Variants in LRRC7 observed in about 807,000 individuals in gnomAD.
LRRC7 encodes the protein leucine rich repeat containing 7.
In LRRC7, 23 loss-of-function variants were observed where a neutral mutation model predicts 175.7. That is an observed-to-expected ratio of 0.13 (90% CI 0.09 to 0.19). LRRC7 has a LOEUF of 0.19. Among genes scored for constraint, LRRC7 ranks in the 10% least tolerant of loss-of-function variants. The pLI, the probability that LRRC7 is intolerant of heterozygous loss-of-function variation, is 1.00. For synonymous variants in LRRC7, 685 were observed against 680.9 expected (o/e 1.01, Z -0.09); for missense variants, 1,354 against 1,904.7 (o/e 0.71, Z 5.38).
At chr1:69,955,778 G>A (rs1650426461) in intron 8 of LRRC7, among the ~76,000 whole-genome samples, 1 of 151,844 alleles carries the variant, frequency 6.6e-6, no homozygotes. Flanking sequence ...AATTGAGCAT[G>A]TAATTCCAAA....
Position 69,716,343 on chromosome 1 carries a change from C to A in LRRC7, c.100+37865C>A, listed in dbSNP as rs182834970. 1.3e-4 allele frequency: 52 copies of A among 400,350 alleles called. 1 individual carries two copies. Among genetic ancestry groups the A allele is most frequent in the Admixed American group, 2.2e-4 (5 of 22,430 alleles). The allele number at this position is 400,350 out of a possible 1,614,324, so 24.8% of individuals were successfully genotyped here. ...TTATACTTAGCAGTTTTCATGTTAA[C>A]CTATATCACATCACAAAAATAATTA... On this transcript the variant is annotated intron_variant, in intron 2 of 26. Coordinates refer to ENST00000651989, the MANE Select transcript of LRRC7 (RefSeq NM_001370785.2).
intron 24 of LRRC7, among the ~76,000 whole-genome samples, chr1:70,079,094 C>T (rs1314525731): frequency 6.6e-6 from 1 of 151,884 alleles, no homozygotes; most frequent in Non-Finnish European, 1.5e-5. Flanking sequence ...AAATTGAGAC[C>T]TTTTTAATAA....
chr1:69,638,823 C>T (rs542221057), intron 1 of LRRC7, among the ~76,000 whole-genome samples: 5 of 151,742 alleles, frequency 3.3e-5, no homozygotes, highest in South Asian at 2.1e-4. Flanking sequence ...CACCACTTGA[C>T]GAATTTTATG....
chr1:69,985,766 G>C (rs1165486035), intron 9 of LRRC7, among the ~76,000 whole-genome samples: 1 of 152,084 alleles, frequency 6.6e-6, no homozygotes, highest in Non-Finnish European at 1.5e-5. Flanking sequence ...CTGTTACTTT[G>C]CATGTATTTT....
At chr1:69,641,708 A>G (rs1654238408) in intron 1 of LRRC7, among the ~76,000 whole-genome samples, 1 of 151,558 alleles carries the variant, frequency 6.6e-6, no homozygotes, top group African/African-American at 2.4e-5. Context: ...TTGTAGCTAT[A>G]TTTTCTATAA....
intron 3 of LRRC7, among the ~76,000 whole-genome samples, chr1:69,780,029 T>C (rs1673306211): frequency 6.6e-6 from 1 of 152,200 alleles, no homozygotes; most frequent in South Asian, 2.1e-4. Context: ...CTCTGCTCAC[T>C]TCTACTAACA....
chr1:69,792,152 G>A lies in LRRC7; in HGVS notation c.413G>A (p.Ser138Asn). The change falls in exon 4 of 27, where the codon AGT (serine) becomes AAT (asparagine). Residue 138 changes from serine to asparagine, a missense_variant. Coordinates refer to ENST00000651989, the MANE Select transcript of LRRC7 (RefSeq NM_001370785.2). ...SLVNLKELDISKNGVQEFPEN... is the reference protein window; with the variant it reads ...SLVNLKELDINKNGVQEFPEN... The stretch of plus-strand genomic sequence containing the variant: ...GTTAATCTTAAAGAACTCGACATCA[G>A]TAAAAATGGTAAGATTTTTCTCTCA... The A allele has an allele frequency of 6.4e-7, 1 of 1,559,648 alleles. No individual in the cohort carries two copies. The highest frequency in any genetic ancestry group is 8.8e-7 in the Non-Finnish European group (1 of 1,138,668).
chr1:69,850,005 G>C (rs10518321), intron 7 of LRRC7, among the ~76,000 whole-genome samples: 5 of 152,052 alleles, frequency 3.3e-5, no homozygotes, highest in African/African-American at 9.6e-5. Flanking sequence ...AAGAACACAG[G>C]ATGATGTTAT....
At chr1:69,797,264 G>A (rs553241254) in intron 4 of LRRC7, among the ~76,000 whole-genome samples, 15 of 152,254 alleles carry the variant, frequency 9.9e-5, no homozygotes, top group African/African-American at 3.6e-4. Flanking sequence ...GCTCTAAAGT[G>A]CCATATAATA....
chr1:69,990,603 G>T (rs1228142882), intron 10 of LRRC7, among the ~76,000 whole-genome samples: 1 of 151,948 alleles, frequency 6.6e-6, no homozygotes, highest in Admixed American at 6.6e-5. Flanking sequence ...CATAACTTTA[G>T]AATTTGCATG....
intron 8 of LRRC7, among the ~76,000 whole-genome samples, chr1:69,939,037 ATATCTATATC>A (rs201255444): frequency 0.11 from 8,587 of 80,392 alleles, 679 homozygotes; most frequent in Non-Finnish European, 0.16. Flanking sequence ...ATATCTATAT[ATATCTATATC>A]TATCTCACAG....
chr1:69,871,881 A>T (rs1685586611), intron 7 of LRRC7, among the ~76,000 whole-genome samples: 1 of 152,012 alleles, frequency 6.6e-6, no homozygotes, highest in African/African-American at 2.4e-5. Context: ...ATATACATGA[A>T]ATTGTTCAAC....
At chr1:70,105,628 A>G (rs1665092669) in intron 25 of LRRC7, among the ~76,000 whole-genome samples, 1 of 152,186 alleles carries the variant, frequency 6.6e-6, no homozygotes, top group South Asian at 2.1e-4. Flanking sequence ...ATGACCACAT[A>G]TCATTCTACT....
At position 70,126,680 on chromosome 1, in the gene LRRC7, A is replaced by G. The variant is rs2102258357; in HGVS notation, c.*4793A>G. Among the ~76,000 whole-genome samples the G allele has an allele frequency of 6.6e-6, 1 of 152,348 alleles. No individual in the cohort carries two copies. The highest frequency in any genetic ancestry group is 6.5e-5 in the Admixed American group (1 of 15,308). ...GGCTGTGGACAAATAGATGTGCGCT[A>G]TGTATAGAAAGCATGTGGGTCACTA... On this transcript the variant is annotated 3_prime_UTR_variant, in exon 27 of 27. Coordinates refer to ENST00000651989, the MANE Select transcript of LRRC7 (RefSeq NM_001370785.2).
chr1:70,009,291 T>A (rs1488970448), intron 11 of LRRC7, among the ~76,000 whole-genome samples: 2 of 151,990 alleles, frequency 1.3e-5, no homozygotes, highest in African/African-American at 2.4e-5. Context: ...TTCTAAAAAA[T>A]TTATTGAGTG....
intron 24 of LRRC7, among the ~76,000 whole-genome samples, chr1:70,080,652 A>G (rs1265009980): frequency 6.6e-6 from 1 of 152,246 alleles, no homozygotes; most frequent in African/African-American, 2.4e-5. Context: ...GATTCAGTGT[A>G]TTAATTTCTG....
chr1:69,671,185 A>C (rs935339157), intron 1 of LRRC7, among the ~76,000 whole-genome samples: 1 of 151,970 alleles, frequency 6.6e-6, no homozygotes, highest in Non-Finnish European at 1.5e-5. Context: ...GGGTATCACT[A>C]TTGGTTATTC....
chr1:69,717,876 AAG>A lies in LRRC7; in HGVS notation c.100+39404_100+39405del, dbSNP rs1163643702. Among the ~76,000 whole-genome samples, 9 of 117,654 alleles carry A rather than the reference AAG, an allele frequency of 7.6e-5. 1 individual carries two copies. Among genetic ancestry groups the A allele is most frequent in the Non-Finnish European group, 1.5e-4 (8 of 52,520 alleles). The allele number at this position is 117,654 out of a possible 152,430, so 77.2% of individuals were successfully genotyped here. ...AAGGAAAGAAAGAAAGAAAGAAAGA[AAG>A]AGAGAAAAAGAGGAGGGAGGGAAGG... On this transcript the variant is annotated intron_variant, in intron 2 of 26. Coordinates refer to ENST00000651989, the MANE Select transcript of LRRC7 (RefSeq NM_001370785.2).
intron 24 of LRRC7, among the ~76,000 whole-genome samples, chr1:70,079,978 G>T (rs1230123513): frequency 6.6e-6 from 1 of 152,154 alleles, no homozygotes; most frequent in Non-Finnish European, 1.5e-5. Flanking sequence ...AGTGTAATTG[G>T]CCAAGCTGGA....
Sources: allele counts gnomAD v4.1 joint callset (sites outside exome capture counted in the v4.1 genomes callset), GRCh38; gene constraint gnomAD v4.1.1; transcripts MANE v1.5; gene names NCBI Gene and HGNC (gene_info 2026-07-23, HGNC 2026-07-21).